RABL6: variants seen among roughly 807,000 people sequenced by gnomAD.
RABL6 encodes rab-like protein 6.
In RABL6, 28 loss-of-function variants were observed where a neutral mutation model predicts 72.9. The observed-to-expected ratio is 0.38, with a 90% CI of 0.28 to 0.53. RABL6 has a LOEUF of 0.53. RABL6 is among the 20% of genes least tolerant of loss of function. RABL6 has a pLI of 0.80. For synonymous variants in RABL6, 477 were observed against 421.2 expected, an observed-to-expected ratio of 1.13 and a Z score of -1.62; for missense variants, 1,029 against 1,008.4, an observed-to-expected ratio of 1.02 and a Z score of -0.28.
At chr9:136,839,919 G>C (rs1403854186) in intron 13 of RABL6, 54 bp downstream of exon 13, 31 of 1,570,910 alleles carry the variant, frequency 2.0e-5, no homozygotes, top group Non-Finnish European at 2.4e-5. Context: ...GTAGAACGTG[G>C]GCCTCCTCCC....
rs1848691041 is a variant in RABL6 at position 136,841,140 on chromosome 9, C to T, written c.*618C>T. On this transcript the variant is annotated 3_prime_UTR_variant, in exon 15 of 15. Coordinates refer to ENST00000311502, the MANE Select transcript of RABL6 (RefSeq NM_024718.5). ...CCGAAGGCAGGAGCCGGGAGGCACT[C>T]CTCCCAAACACTCCACTCAGACCAT... 2.0e-6 allele frequency: 2 copies of T among 1,000,438 alleles called. No individual in the cohort carries two copies. Among genetic ancestry groups the T allele is most frequent in the Admixed American group, 7.0e-5 (2 of 28,414 alleles). The allele number at this position is 1,000,438 out of a possible 1,614,324, so 62.0% of individuals were successfully genotyped here.
At chr9:136,819,014 A>T (rs982761430) in intron 1 of RABL6, among the ~76,000 whole-genome samples, 1 of 152,086 alleles carries the variant, frequency 6.6e-6, no homozygotes. Context: ...AGGTAGAAAG[A>T]ATACTTTCTG....
chr9:136,821,353 G>T, intron 1 of RABL6: 6 of 985,392 alleles, frequency 6.1e-6, no homozygotes, highest in Non-Finnish European at 7.2e-6. Flanking sequence ...CCCGGAGACG[G>T]GACCACCGCA....
intron 7 of RABL6, chr9:136,834,096 C>T (rs1055839985): frequency 4.1e-5 from 55 of 1,326,142 alleles, no homozygotes; most frequent in Non-Finnish European, 5.0e-5. Flanking sequence ...GATCTGATGT[C>T]CTCGCCTGTC....
intron 1 of RABL6, among the ~76,000 whole-genome samples, chr9:136,822,407 C>T (rs1304561285): frequency 1.3e-5 from 2 of 152,276 alleles, no homozygotes; most frequent in Non-Finnish European, 2.9e-5. Context: ...TCCCCCGTGC[C>T]TGTGGTGGGT....
rs763926444 is a variant in RABL6, at chr9:136,832,305, A to G, written c.640A>G (p.Met214Val). 3.7e-6 allele frequency: 6 copies of G among 1,613,912 alleles called. No individual in the cohort carries two copies. The highest frequency in any genetic ancestry group is 1.1e-5 in the South Asian group (1 of 91,084). ...CTACTTCCGCTATGCTGAGTCTTCC[A>G]TGAAGAACAGCTTCGGCCTAAAGTA... ...SSYFRYAESS[M>V]KNSFGLKYLH... Residue 214 changes from methionine to valine, a missense_variant, in exon 7 of 15, where the codon ATG becomes GTG. Met to Val is a conservative substitution (Grantham distance 21, BLOSUM62 1). This residue lies in a region of RABL6 where 434 missense variants were observed against 536.1 expected (regional missense o/e 0.81). Transcript: ENST00000311502.
chr9:136,833,405 C>T (rs1421916165), intron 7 of RABL6: 1 of 356,942 alleles, frequency 2.8e-6, no homozygotes, highest in Non-Finnish European at 5.2e-6. Flanking sequence ...CCGCCTGGGT[C>T]TGGGGGACCT....
intron 1 of RABL6, 137 bp from the exon 2 acceptor site, chr9:136,823,388 C>T (rs1030234141): frequency 6.3e-5 from 77 of 1,217,394 alleles, no homozygotes; most frequent in Middle Eastern, 2.3e-4. Context: ...CCCTGCCTGC[C>T]GGTCACCTGG....
intron 1 of RABL6, among the ~76,000 whole-genome samples, chr9:136,816,721 A>G (rs1399383585): frequency 7.3e-6 from 1 of 137,094 alleles, no homozygotes; most frequent in Non-Finnish European, 1.6e-5. Context: ...TGTCTCAAAA[A>G]AAAGGGGGGG....
In RABL6 at chr9:136,840,577, G is replaced by A. The variant is rs1848676551; in HGVS notation, c.*55G>A. Reference sequence around the variant, plus strand: ...GGGGGGCGTGCCTGTCACTGCCTGGGGAGGCATTTGCCTCTGTACCATCGC... The same window carrying A: ...GGGGGGCGTGCCTGTCACTGCCTGGAGAGGCATTTGCCTCTGTACCATCGC... On this transcript the variant is annotated 3_prime_UTR_variant, in exon 15 of 15. Transcript: ENST00000311502. The A allele has an allele frequency of 5.2e-6, 8 of 1,548,910 alleles. No homozygotes were observed. The highest frequency in any genetic ancestry group is 7.0e-6 in the Non-Finnish European group (8 of 1,146,700).
At chr9:136,821,464 C>T (rs1341883377) in intron 1 of RABL6, 2 of 985,270 alleles carry the variant, frequency 2.0e-6, no homozygotes, top group Non-Finnish European at 2.4e-6. Context: ...GGCCGCGGGA[C>T]GGACGTGGAT....
chr9:136,808,240 C>T lies in RABL6; in HGVS notation c.44C>T (p.Pro15Leu). The T allele has an allele frequency of 3.8e-6, 6 of 1,563,710 alleles. No individual in the cohort carries two copies. Among genetic ancestry groups the T allele is most frequent in the South Asian group, 2.3e-5 (2 of 85,866 alleles). ...LKKLVGSDQA[P>L]GRDKNIPAGL... Reference sequence around the variant, plus strand: ...AAGCTGGTGGGGTCGGACCAGGCCCCGGGCCGGGACAAGAACATCCCCGCC... The same window carrying T: ...AAGCTGGTGGGGTCGGACCAGGCCCTGGGCCGGGACAAGAACATCCCCGCC... Residue 15 changes from proline (P) to leucine (L), a missense_variant, in exon 1 of 15, where the codon CCG becomes CTG. This residue lies in a region of RABL6 where 434 missense variants were observed against 536.1 expected (regional missense o/e 0.81). Transcript: ENST00000311502.
intron 1 of RABL6, among the ~76,000 whole-genome samples, chr9:136,820,248 T>G (rs2131170834): frequency 6.7e-6 from 1 of 150,304 alleles, no homozygotes; most frequent in Non-Finnish European, 1.5e-5. Context: ...GTCTGTAGTC[T>G]GAGCTACTTG....
At chr9:136,828,614 G>C (rs1454012868) in intron 4 of RABL6, 68 bp downstream of exon 4, 3 of 1,530,576 alleles carry the variant, frequency 2.0e-6, no homozygotes, top group African/African-American at 2.7e-5. Flanking sequence ...GGTGCCCAGC[G>C]CTTCACACGC....
Position 136,840,176 on chromosome 9 carries a change from T to G in RABL6, c.1953T>G (p.Ser651=), listed in dbSNP as rs1231726408. Residue 651 remains serine (S), a synonymous_variant, in exon 14 of 15, where the codon TCT becomes TCG. Coordinates refer to ENST00000311502, the MANE Select transcript of RABL6 (RefSeq NM_024718.5). ...SEEGKEGKTP[S]KEKKKKKKKG... is the part of the protein sequence containing the mutation. ...CAGGTAAGGAGGGCAAAACCCCCTC[T>G]AAGGAGAAGAAGAAGAAGAAGAAAA... 1.2e-6 allele frequency: 2 copies of G among 1,612,618 alleles called. No homozygotes were observed. The highest frequency in any genetic ancestry group is 1.7e-6 in the Non-Finnish European group (2 of 1,179,788).
At chr9:136,811,475 G>A (rs184290960) in intron 1 of RABL6, among the ~76,000 whole-genome samples, 2 of 152,136 alleles carry the variant, frequency 1.3e-5, no homozygotes, top group African/African-American at 2.4e-5. Flanking sequence ...AAAATTAACC[G>A]GGTGTGATGG....
chr9:136,824,775 C>T (rs1564364446), intron 2 of RABL6, among the ~76,000 whole-genome samples: 1 of 152,114 alleles, frequency 6.6e-6, no homozygotes, highest in Non-Finnish European at 1.5e-5. Context: ...AGTTGCTGGG[C>T]ATCTGCTGCT....
intron 1 of RABL6, chr9:136,809,389 T>G: frequency 1.2e-5 from 3 of 253,982 alleles, no homozygotes; most frequent in Non-Finnish European, 2.5e-5. Flanking sequence ...AAGAGGAAGC[T>G]GCAGACCACT....
intron 13 of RABL6, 102 bp downstream of exon 13, chr9:136,839,967 A>G: frequency 6.6e-7 from 1 of 1,512,324 alleles, no homozygotes; most frequent in Non-Finnish European, 9.0e-7. Flanking sequence ...TCCTGAGTCC[A>G]GGATGCTGTG....
Sources: gnomAD v4.1 joint callset for allele counts (sites outside exome capture counted in the v4.1 genomes callset) on GRCh38, gnomAD v4.1.1 for gene constraint, gnomAD v4.1.1 regional missense constraint, MANE v1.5 for transcripts, NCBI Gene and HGNC (gene_info 2026-07-23, HGNC 2026-07-21) for gene names.